ARHGEF7: variants seen among roughly 807,000 people sequenced by gnomAD.
ARHGEF7 encodes PAK-interacting exchange factor beta.
ARHGEF7 carries 33 observed loss-of-function variants against 109.8 expected under a neutral mutation model. The observed-to-expected ratio is 0.30, with a 90% CI of 0.23 to 0.40. The LOEUF (loss-of-function observed/expected upper bound fraction) is 0.40, where lower values mean the gene tolerates loss of function less well. ARHGEF7 is among the 10% of genes least tolerant of loss of function. ARHGEF7 has a pLI of 1.00. For synonymous variants in ARHGEF7, 458 were observed against 424.6 expected (o/e 1.08, Z -0.97); for missense variants, 938 against 1,098.5 (o/e 0.85, Z 2.07).
intron 8 of ARHGEF7, among the ~76,000 whole-genome samples, chr13:111,259,116 C>T (rs377678103): frequency 6.6e-5 from 10 of 152,282 alleles, no homozygotes; most frequent in South Asian, 4.1e-4. Context: ...GGCTCTGGCT[C>T]GCAGATGGCA....
chr13:111,191,998 T>TA (rs1346617736), intron 2 of ARHGEF7, among the ~76,000 whole-genome samples: 1 of 152,210 alleles, frequency 6.6e-6, no homozygotes, highest in African/African-American at 2.4e-5. Flanking sequence ...GGAGAGGTGT[T>TA]AAAGATTATG....
Position 111,136,971 on chromosome 13 carries a change from A to T in ARHGEF7, c.166-16934A>T, listed in dbSNP as rs985073011. 2.0e-5 allele frequency among the ~76,000 whole-genome samples: 3 copies of T among 152,386 alleles called. No individual in the cohort carries two copies. In the East Asian group the frequency reaches 5.8e-4, roughly 29 times the overall value. On this transcript the variant is annotated intron_variant, in intron 1 of 21. Transcript: ENST00000646102. ...ATCAGAGAATACTATAAATACCTCT[A>T]CGCAAATAAACTAGAAAATCTAGAA...
At chr13:111,176,782 A>G (rs939438813) in intron 2 of ARHGEF7, among the ~76,000 whole-genome samples, 1 of 152,128 alleles carries the variant, frequency 6.6e-6, no homozygotes, top group Non-Finnish European at 1.5e-5. Context: ...TTTTAGATGG[A>G]GTTCACTCTT....
Position 111,266,381 on chromosome 13 carries a change from C to T in ARHGEF7, c.951-1167C>T, listed in dbSNP as rs76702991. Among the ~76,000 whole-genome samples, 2 of 151,982 alleles carry T rather than the reference C, an allele frequency of 1.3e-5. No individual in the cohort carries two copies. Among genetic ancestry groups the T allele is most frequent in the East Asian group, 1.9e-4 (1 of 5,168 alleles). ...TCGGTCTTCTTTTGGCCTGTGTCGA[C>T]GCTCGTGGACACCTTCGCTCTTGTG... On this transcript the variant is annotated intron_variant, in intron 8 of 21. Coordinates refer to ENST00000646102, the MANE Select transcript of ARHGEF7 (RefSeq NM_001354046.2). This position sits in a 1 kb window ranked among gnomAD's most constrained non-coding sequence, Gnocchi z 4.8.
intron 6 of ARHGEF7, among the ~76,000 whole-genome samples, chr13:111,236,346 T>TG (rs2086825055): frequency 6.6e-6 from 1 of 152,256 alleles, no homozygotes; most frequent in African/African-American, 2.4e-5. Context: ...TTCCATTGAC[T>TG]GCTTCTTTTT....
At chr13:111,118,091 G>GA (rs2066921182) in intron 1 of ARHGEF7, among the ~76,000 whole-genome samples, 1 of 152,278 alleles carries the variant, frequency 6.6e-6, no homozygotes, top group Admixed American at 6.5e-5. Flanking sequence ...CAAGTGGCCT[G>GA]CAGCCTTCGC....
chr13:111,212,305 C>T (rs1467005578), intron 4 of ARHGEF7, among the ~76,000 whole-genome samples: 2 of 152,116 alleles, frequency 1.3e-5, no homozygotes, highest in Admixed American at 6.5e-5. Context: ...AGAGGCTGAA[C>T]TAAATCGAGC....
chr13:111,278,135 T>C (rs2092591423), intron 13 of ARHGEF7, among the ~76,000 whole-genome samples: 1 of 152,202 alleles, frequency 6.6e-6, no homozygotes, highest in African/African-American at 2.4e-5. Context: ...TGTGTGATCG[T>C]TGAACCTTTT....
intron 8 of ARHGEF7, among the ~76,000 whole-genome samples, chr13:111,246,747 C>T (rs1394821603): frequency 2.6e-5 from 4 of 152,136 alleles, no homozygotes; most frequent in African/African-American, 9.7e-5. Context: ...AATTCAAAGT[C>T]TTTGTAAGAG....
chr13:111,202,468 T>G (rs1002464435), intron 2 of ARHGEF7, among the ~76,000 whole-genome samples: 5 of 152,184 alleles, frequency 3.3e-5, no homozygotes, highest in Non-Finnish European at 7.4e-5. Flanking sequence ...AGGCTGAGGC[T>G]TCCAAAAGGA....
chr13:111,115,125 C>T (rs2066648003), upstream of ARHGEF7: 1 of 149,486 alleles, frequency 6.7e-6, no homozygotes, highest in Non-Finnish European at 1.5e-5. Context: ...TCCCCTTCCC[C>T]TTTCCCTTCC....
chr13:111,132,496 G>A (rs1470602579), intron 1 of ARHGEF7, among the ~76,000 whole-genome samples: 1 of 152,170 alleles, frequency 6.6e-6, no homozygotes, highest in Non-Finnish European at 1.5e-5. Context: ...AGGTATTTTA[G>A]GGAAGTCAAT....
chr13:111,261,923 G>A (rs2091133555), intron 8 of ARHGEF7, among the ~76,000 whole-genome samples: 1 of 152,102 alleles, frequency 6.6e-6, no homozygotes, highest in African/African-American at 2.4e-5. Context: ...ACAAGTGATC[G>A]TGGAAACACA....
chr13:111,159,010 C>G (rs1438489646), intron 2 of ARHGEF7: 1 of 718,378 alleles, frequency 1.4e-6, no homozygotes, highest in Non-Finnish European at 2.6e-6. Context: ...ACTAACATCT[C>G]CCCTTTCCCT....
At chr13:111,218,064 T>C (rs2083350578) in intron 5 of ARHGEF7, among the ~76,000 whole-genome samples, 184 bp downstream of exon 5, 3 of 152,216 alleles carry the variant, frequency 2.0e-5, no homozygotes, top group Admixed American at 2.0e-4. Flanking sequence ...CATCAAGGGC[T>C]CTCTAGTTAC....
intron 2 of ARHGEF7, among the ~76,000 whole-genome samples, chr13:111,173,878 A>G (rs954248432): frequency 3.9e-5 from 6 of 152,156 alleles, no homozygotes; most frequent in Non-Finnish European, 8.8e-5. Flanking sequence ...CAGTTTTATC[A>G]GGCTGCTTAA....
At chr13:111,222,986 TA>T (rs1233023132) in intron 5 of ARHGEF7, among the ~76,000 whole-genome samples, 1 of 152,256 alleles carries the variant, frequency 6.6e-6, no homozygotes, top group Non-Finnish European at 1.5e-5. Context: ...AGTATATTGT[TA>T]TAATTGTTCT....
chr13:111,145,954 C>T lies in ARHGEF7; in HGVS notation c.166-7951C>T, dbSNP rs879461672. Among the ~76,000 whole-genome samples the T allele has an allele frequency of 1.3e-5, 2 of 152,172 alleles. No homozygotes were observed. The highest frequency in any genetic ancestry group is 1.5e-5 in the Non-Finnish European group (1 of 68,032). Reference sequence around the variant, plus strand: ...CTCCGTGATGAGTGGATTTGGTGACCTAAGTGAGTTAGGTCATTTAGTGCA... The same window carrying T: ...CTCCGTGATGAGTGGATTTGGTGACTTAAGTGAGTTAGGTCATTTAGTGCA... On this transcript the variant is annotated intron_variant, in intron 1 of 21. Transcript: ENST00000646102. This position sits in a 1 kb window ranked among gnomAD's most constrained non-coding sequence, Gnocchi z 4.3.
chr13:111,197,773 T>G (rs1282316449), intron 2 of ARHGEF7, among the ~76,000 whole-genome samples: 1 of 152,136 alleles, frequency 6.6e-6, no homozygotes, highest in African/African-American at 2.4e-5. Flanking sequence ...AATTATGTCT[T>G]TCTGATTGGC....
Sources: allele counts gnomAD v4.1 joint callset (sites outside exome capture counted in the v4.1 genomes callset), GRCh38; gene constraint gnomAD v4.1.1; non-coding constraint Gnocchi (gnomAD v3.1); transcripts MANE v1.5; gene names NCBI Gene and HGNC (gene_info 2026-07-23, HGNC 2026-07-21).